Variants in KLHL12 observed in about 807,000 individuals in gnomAD.
KLHL12 encodes the protein kelch-like protein 12.
A neutral mutation model predicts 60.8 loss-of-function variants in KLHL12; 17 were observed. The observed-to-expected ratio is 0.28, with a 90% CI of 0.19 to 0.42. The LOEUF is 0.42. KLHL12 is among the 10% of genes least tolerant of loss of function. The pLI, the probability that KLHL12 is intolerant of heterozygous loss-of-function variation, is 1.00. For synonymous variants in KLHL12, 220 were observed against 250.9 expected (o/e 0.88, Z 1.16); for missense variants, 468 against 722.3 (o/e 0.65, Z 4.04).
intron 4 of KLHL12, among the ~76,000 whole-genome samples, 174 bp downstream of exon 4, chr1:202,917,996 CA>C (rs1660574167): frequency 1.3e-5 from 2 of 152,142 alleles, no homozygotes; most frequent in African/African-American, 4.8e-5. Context: ...AAGAAAGTGG[CA>C]AACTCCCTCT....
chr1:202,897,852 G>A (rs2102411292), intron 6 of KLHL12, among the ~76,000 whole-genome samples: 1 of 152,180 alleles, frequency 6.6e-6, no homozygotes, highest in East Asian at 1.9e-4. Flanking sequence ...TTACAGGAAT[G>A]AGTCACTGTG....
At chr1:202,921,365 G>A (rs1255372024) in intron 2 of KLHL12, among the ~76,000 whole-genome samples, 1 of 151,884 alleles carries the variant, frequency 6.6e-6, no homozygotes, top group African/African-American at 2.4e-5. Context: ...AGTAGAGATG[G>A]GGTTTCACCA....
At chr1:202,910,748 T>C (rs753407736) in intron 5 of KLHL12, among the ~76,000 whole-genome samples, 6 of 152,166 alleles carry the variant, frequency 3.9e-5, no homozygotes, top group Non-Finnish European at 5.9e-5. Context: ...ACAATTTATG[T>C]TTAATGGAGA....
chr1:202,906,582 A>T (rs1269969506), intron 6 of KLHL12, among the ~76,000 whole-genome samples: 2 of 152,096 alleles, frequency 1.3e-5, no homozygotes. Flanking sequence ...TTGATTGTAT[A>T]ACAATGTATT....
At position 202,893,529 on chromosome 1, in the gene KLHL12, T is replaced by C; in HGVS notation, c.1394-104A>G. On this transcript the variant is annotated intron_variant, in intron 10 of 11. Transcript: ENST00000367261. This position sits in a 1 kb window ranked among gnomAD's most constrained non-coding sequence, Gnocchi z 4.1. Reference sequence around the variant, plus strand: ...ATGACTAGCTGAGTTCTACAGTAGATGAGGGATATGGAATGGGCCCACACG... The same window carrying C: ...ATGACTAGCTGAGTTCTACAGTAGACGAGGGATATGGAATGGGCCCACACG... 1 of 948,356 alleles carries C rather than the reference T, an allele frequency of 1.1e-6. No homozygotes were observed. The highest frequency in any genetic ancestry group is 1.6e-5 in the South Asian group (1 of 61,782). The allele number at this position is 948,356 out of a possible 1,614,324, so 58.7% of individuals were successfully genotyped here.
chr1:202,911,037 A>G lies in KLHL12; in HGVS notation c.717+17T>C. On this transcript the variant is annotated intron_variant, in intron 5 of 11. Coordinates refer to ENST00000367261, the MANE Select transcript of KLHL12 (RefSeq NM_021633.4). The stretch of plus-strand genomic sequence containing the variant: ...GTCCGTCAAGGTTTTGGATCCTGAG[A>G]GTGTTGCACTACTTACCTCAGCATC... The G allele has an allele frequency of 6.2e-7, 1 of 1,612,574 alleles. No individual in the cohort carries two copies. The highest frequency in any genetic ancestry group is 8.5e-7 in the Non-Finnish European group (1 of 1,178,904).
chr1:202,919,488 T>C (rs1660620559), intron 3 of KLHL12, among the ~76,000 whole-genome samples: 1 of 152,188 alleles, frequency 6.6e-6, no homozygotes, highest in African/African-American at 2.4e-5. Context: ...AGAAAACACA[T>C]AATTTCTCCT....
At position 202,893,391 on chromosome 1, in the gene KLHL12, A is replaced by G; in HGVS notation, c.1428T>C (p.Tyr476=). Residue 476 remains tyrosine, a synonymous_variant, in exon 11 of 12, where the codon TAT becomes TAC. Transcript: ENST00000367261. This position sits in a 1 kb window ranked among gnomAD's most constrained non-coding sequence, Gnocchi z 4.1. The part of the protein sequence containing the change: ...AGVALLNDHI[Y]VVGGFDGTAH... ...CTGTACCATCAAATCCCCCCACCAC[A>G]TAAATATGGTCATTCAGCAGGGCTA... The G allele has an allele frequency of 1.2e-6, 2 of 1,613,956 alleles. No homozygotes were observed. The highest frequency in any genetic ancestry group is 1.7e-6 in the Non-Finnish European group (2 of 1,179,896).
At chr1:202,922,944 A>G (rs896144947) in intron 2 of KLHL12, among the ~76,000 whole-genome samples, 2 of 152,204 alleles carry the variant, frequency 1.3e-5, no homozygotes, top group African/African-American at 4.8e-5. Context: ...TTTGAGGAGC[A>G]TTTCATAGCT....
chr1:202,894,541 GCCCATTA>G (rs771735163), intron 9 of KLHL12, 43 bp downstream of exon 9: 1 of 1,582,204 alleles, frequency 6.3e-7, no homozygotes, highest in Non-Finnish European at 8.7e-7. Context: ...CTTACCCACA[GCCCATTA>G]CCCATTGAGT....
rs563176698 is a variant in KLHL12, at chr1:202,905,950, G to A, written c.832+3060C>T. ...CTCCTGAGTAGCTTGAACTACAGGTGCCCGCCACCACACCTGGCTTTTTTT... is the reference window on the plus strand; with the variant it reads ...CTCCTGAGTAGCTTGAACTACAGGTACCCGCCACCACACCTGGCTTTTTTT... On this transcript the variant is annotated intron_variant, in intron 6 of 11. Transcript: ENST00000367261. Among the ~76,000 whole-genome samples, 11 of 133,460 alleles carry A rather than the reference G, an allele frequency of 8.2e-5. No homozygotes were observed. The East Asian group carries it at 2.3e-3, about 28-fold the overall frequency. 87.6% of individuals were successfully genotyped at this position (133,460 alleles called of 152,430 possible).
At position 202,891,302 on chromosome 1, in the gene KLHL12, A is replaced by G. The variant is rs973515252; in HGVS notation, c.*1231T>C. 5 of 152,676 alleles carry G rather than the reference A, an allele frequency of 3.3e-5. No homozygotes were observed. Among genetic ancestry groups the G allele is most frequent in the Non-Finnish European group, 7.3e-5 (5 of 68,046 alleles). The allele number at this position is 152,676 out of a possible 1,614,324, so 9.5% of individuals were successfully genotyped here. ...ATTTCACTCCATGACACAGAGGAACATTGAATGGTAGCTCAGAAATGTTGA... is the reference window on the plus strand; with the variant it reads ...ATTTCACTCCATGACACAGAGGAACGTTGAATGGTAGCTCAGAAATGTTGA... On this transcript the variant is annotated 3_prime_UTR_variant, in exon 12 of 12. Transcript: ENST00000367261.
intron 4 of KLHL12, among the ~76,000 whole-genome samples, chr1:202,913,822 C>G (rs539627221): frequency 6.6e-6 from 1 of 152,320 alleles, no homozygotes; most frequent in African/African-American, 2.4e-5. Context: ...CAATACACTA[C>G]CCATGCGTGG....
intron 2 of KLHL12, among the ~76,000 whole-genome samples, chr1:202,922,687 C>A (rs978931157): frequency 6.6e-6 from 1 of 151,496 alleles, no homozygotes. Context: ...GGGGTTTCAC[C>A]GTGTTAGCCA....
In KLHL12 at chr1:202,925,266, T is replaced by C; in HGVS notation, c.-45-59A>G. On this transcript the variant is annotated intron_variant, in intron 1 of 11. Coordinates refer to ENST00000367261, the MANE Select transcript of KLHL12 (RefSeq NM_021633.4). Reference sequence around the variant, plus strand: ...CAAAGAACTAGGGCAACTGAACATATTTAATTAGCTTTACAAATTAAGAAC... The same window carrying C: ...CAAAGAACTAGGGCAACTGAACATACTTAATTAGCTTTACAAATTAAGAAC... 2.0e-6 allele frequency: 3 copies of C among 1,511,768 alleles called. No homozygotes were observed. In the South Asian group the frequency reaches 4.0e-5, roughly 20 times the overall value. 93.6% of individuals were successfully genotyped at this position (1,511,768 alleles called of 1,614,324 possible).
rs149277577 is a variant in KLHL12, at chr1:202,893,092, T to TA, written c.1580+146dup. The TA allele has an allele frequency of 0.2, 122,267 of 602,040 alleles. 14,709 individuals carry two copies. The highest frequency in any genetic ancestry group is 0.47 in the East Asian group (15,209 of 32,050). The allele number at this position is 602,040 out of a possible 1,614,324, so 37.3% of individuals were successfully genotyped here. A position where few individuals can be genotyped will look rare whatever the true frequency, so the allele number is the denominator to read the frequency against. On this transcript the variant is annotated intron_variant, in intron 11 of 11. Coordinates refer to ENST00000367261, the MANE Select transcript of KLHL12 (RefSeq NM_021633.4). This position sits in a 1 kb window ranked among gnomAD's most constrained non-coding sequence, Gnocchi z 4.1. Reference sequence around the variant, plus strand: ...AGAGCAATACTCTGTCTCTAAAAAATAAAAAAAATCTAATAAAAAAAATCA... The same window carrying TA: ...AGAGCAATACTCTGTCTCTAAAAAATAAAAAAAAATCTAATAAAAAAAATCA...
rs373118930 is a variant in KLHL12, at chr1:202,895,570, C to T, written c.1087G>A (p.Ala363Thr). The change falls in exon 8 of 12, where the codon GCC becomes ACC. Residue 363 changes from alanine (A) to threonine (T), a missense_variant. Ala to Thr is a moderately conservative substitution (Grantham distance 58). Transcript: ENST00000367261. This position sits in a 1 kb window ranked among gnomAD's most constrained non-coding sequence, Gnocchi z 4.2. ...AGACCTCGTCGGACATTCATAGGGG[C>T]CACAGAATACCAGACCCCATCCTCA... is the stretch of plus-strand genomic sequence containing the variant. The part of the protein sequence containing the change: ...ADEDGVWYSV[A>T]PMNVRRGLAG... 1.2e-6 allele frequency: 2 copies of T among 1,614,126 alleles called. No homozygotes were observed. The highest frequency in any genetic ancestry group is 1.7e-5 in the Admixed American group (1 of 60,016).
At position 202,894,740 on chromosome 1, in the gene KLHL12, T is replaced by C. The variant is rs760900918; in HGVS notation, c.1145A>G (p.Tyr382Cys). The change falls in exon 9 of 12, where the codon TAT becomes TGT. Residue 382 changes from tyrosine to cysteine, a missense_variant. Around this residue, in one of 4 missense-constraint regions of KLHL12, gnomAD observed 339 missense variants for 525.0 expected, o/e 0.65. Coordinates refer to ENST00000367261, the MANE Select transcript of KLHL12 (RefSeq NM_021633.4). ...GCTTCCATCAAAGCCTCCAGAGACA[T>C]AGATCATATCTGCTCAGAATAAACA... is the stretch of plus-strand genomic sequence containing the variant. ...AGATTLGDMI[Y>C]VSGGFDGSRR... is the part of the protein sequence containing the mutation. The C allele has an allele frequency of 8.7e-6, 14 of 1,613,398 alleles. No homozygotes were observed. Among genetic ancestry groups the C allele is most frequent in the Admixed American group, 6.7e-5 (4 of 60,002 alleles).
At chr1:202,904,534 G>T (rs1016068323) in intron 6 of KLHL12, among the ~76,000 whole-genome samples, 7 of 152,204 alleles carry the variant, frequency 4.6e-5, no homozygotes, top group Admixed American at 2.0e-4. Flanking sequence ...AAAAGCTAGT[G>T]AAAGAGTCAA....
Sources: gnomAD v4.1 joint callset for allele counts (sites outside exome capture counted in the v4.1 genomes callset) on GRCh38, gnomAD v4.1.1 for gene constraint, gnomAD v4.1.1 regional missense constraint, Gnocchi (gnomAD v3.1) non-coding constraint, MANE v1.5 for transcripts, NCBI Gene and HGNC (gene_info 2026-07-23, HGNC 2026-07-21) for gene names.